FGFR1: variants seen among roughly 807,000 people sequenced by gnomAD.
FGFR1 encodes the protein FGFR1/PLAG1 fusion.
FGFR1 carries 18 observed loss-of-function variants against 93.7 expected under a neutral mutation model. The observed-to-expected ratio is 0.19, with a 90% CI of 0.13 to 0.28. The LOEUF (loss-of-function observed/expected upper bound fraction) is 0.28. Ranked by LOEUF, FGFR1 falls within the 10% of genes least tolerant of loss-of-function variation. FGFR1 has a pLI of 1.00. For missense variants in FGFR1, 731 were observed against 1,080.4 expected, an observed-to-expected ratio of 0.68 and a Z score of 4.53; for synonymous variants, 448 against 429.3, an observed-to-expected ratio of 1.04 and a Z score of -0.54.
In FGFR1 at chr8:38,421,830, A is replaced by T. The variant is rs764101526; in HGVS notation, c.1048T>A (p.Ser350Thr). 6.2e-7 allele frequency: 1 copy of T among 1,614,122 alleles called. No individual in the cohort carries two copies. The highest frequency in any genetic ancestry group is 1.7e-5 in the Admixed American group (1 of 60,018). The change falls in exon 8 of 18, where the codon TCC becomes ACC. Residue 350 changes from serine to threonine, a missense_variant. Around this residue, in one of 10 missense-constraint regions of FGFR1, gnomAD observed 146 missense variants for 173.0 expected, o/e 0.84. Transcript: ENST00000447712. ...ACGGTCAACCATGCAGAGTGATGGG[A>T]GAGTCCGATAGAGTTACCCGCCAAG... ...TCLAGNSIGLSHHSAWLTVLE... is the reference protein window; with the variant it reads ...TCLAGNSIGLTHHSAWLTVLE...
chr8:38,415,187 CATGG>C (rs779477956), intron 13 of FGFR1, among the ~76,000 whole-genome samples: 7 of 152,386 alleles, frequency 4.6e-5, no homozygotes, highest in Non-Finnish European at 7.3e-5. Flanking sequence ...AGCAAGTCCA[CATGG>C]GGCTGGGCTC....
At chr8:38,433,511 T>C (rs1383456073) in intron 2 of FGFR1, among the ~76,000 whole-genome samples, 1 of 152,164 alleles carries the variant, frequency 6.6e-6, no homozygotes, top group Non-Finnish European at 1.5e-5. Flanking sequence ...GGTTTCACCA[T>C]GTTAGCCAGG....
rs141184242 is a variant in FGFR1 at position 38,433,261 on chromosome 8, A to G, written c.92-3313T>C. Among the ~76,000 whole-genome samples, 33 of 152,162 alleles carry G rather than the reference A, an allele frequency of 2.2e-4. No homozygotes were observed. In the East Asian group the frequency reaches 5.6e-3, roughly 26 times the overall value. ...GGCTGAGACAGGATTGCTTGAGCCC[A>G]GGAGTTGGAGGCTACGGTGAGCTAT... On this transcript the variant is annotated intron_variant, in intron 2 of 17. Transcript: ENST00000447712.
chr8:38,453,326 C>T (rs1391760428), intron 2 of FGFR1, among the ~76,000 whole-genome samples: 1 of 152,222 alleles, frequency 6.6e-6, no homozygotes, highest in African/African-American at 2.4e-5. Flanking sequence ...GAAAGGGACC[C>T]ACAACGGCCA....
At position 38,426,210 on chromosome 8, in the gene FGFR1, A is replaced by G. The variant is rs1237694252; in HGVS notation, c.657T>C (p.Ser219=). 3 of 1,614,102 alleles carry G rather than the reference A, an allele frequency of 1.9e-6. No individual in the cohort carries two copies. Among genetic ancestry groups the G allele is most frequent in the African/African-American group, 2.7e-5 (2 of 74,936 alleles). ...RYATWSIIMD[S]VVPSDKGNYT... Reference sequence around the variant, plus strand: ...AGTTGCCCTTGTCAGAGGGCACCACAGAGTCCATTATGATGCTCCAGGTGG... The same window carrying G: ...AGTTGCCCTTGTCAGAGGGCACCACGGAGTCCATTATGATGCTCCAGGTGG... Residue 219 remains serine, a synonymous_variant, in exon 6 of 18, where the codon TCT becomes TCC. Transcript: ENST00000447712. This position sits in a 1 kb window ranked among gnomAD's most constrained non-coding sequence, Gnocchi z 4.1.
chr8:38,442,793 T>C (rs1294874879), intron 2 of FGFR1, among the ~76,000 whole-genome samples: 1 of 152,200 alleles, frequency 6.6e-6, no homozygotes, highest in African/African-American at 2.4e-5. Flanking sequence ...TAGTAGAGGC[T>C]TCAGCTGTTT....
intron 2 of FGFR1, among the ~76,000 whole-genome samples, chr8:38,446,575 G>A (rs1829366873): frequency 1.3e-5 from 2 of 152,016 alleles, no homozygotes; most frequent in South Asian, 4.1e-4. Flanking sequence ...ACCACGCCCA[G>A]GTAATTTTTT....
At position 38,457,506 on chromosome 8, in the gene FGFR1, T is replaced by C. The variant is rs1466811480; in HGVS notation, c.-60A>G. 4.4e-6 allele frequency: 7 copies of C among 1,608,346 alleles called. No homozygotes were observed. In the African/African-American group the frequency reaches 6.7e-5, roughly 15 times the overall value. ...CCACATCTCCATGGATACTCCACAG[T>C]GAGCTCGATCCTCCTTTTCAAACTG... is the stretch of plus-strand genomic sequence containing the variant. On this transcript the variant is annotated 5_prime_UTR_variant, in exon 2 of 18. Coordinates refer to ENST00000447712, the MANE Select transcript of FGFR1 (RefSeq NM_023110.3).
At chr8:38,466,914 CAA>C (rs1334795178) in intron 1 of FGFR1, among the ~76,000 whole-genome samples, 1 of 137,594 alleles carries the variant, frequency 7.3e-6, no homozygotes, top group African/African-American at 3.0e-5. Flanking sequence ...CCACCACCAC[CAA>C]AAAAGTGTCT....
intron 2 of FGFR1, among the ~76,000 whole-genome samples, chr8:38,440,669 T>TA (rs1449744288): frequency 6.6e-6 from 1 of 151,664 alleles, no homozygotes; most frequent in Non-Finnish European, 1.5e-5. Context: ...CATTAAAATG[T>TA]AAAAACTCCA....
intron 1 of FGFR1, among the ~76,000 whole-genome samples, chr8:38,457,870 T>C (rs545854167): frequency 1.4e-4 from 21 of 152,158 alleles, no homozygotes; most frequent in African/African-American, 4.8e-4. Flanking sequence ...GTAGTCCCAG[T>C]TACTTCGGAG....
intron 5 of FGFR1, among the ~76,000 whole-genome samples, chr8:38,427,092 G>A (rs1005218919): frequency 1.4e-5 from 2 of 147,354 alleles, no homozygotes; most frequent in Admixed American, 6.8e-5. Flanking sequence ...GGGTGACAGA[G>A]TGAGACTCCG....
intron 1 of FGFR1, among the ~76,000 whole-genome samples, chr8:38,464,312 C>CA (rs56133772): frequency 0.018 from 1,460 of 82,256 alleles, 30 homozygotes; most frequent in African/African-American, 0.058. Context: ...GAGACTATCT[C>CA]AAAAAAAAAA....
chr8:38,428,889 T>C (rs76227977), intron 3 of FGFR1: 1 of 298,528 alleles, frequency 3.3e-6, no homozygotes, highest in Non-Finnish European at 6.5e-6. Flanking sequence ...TTTTCTAGCA[T>C]GTGTCTACTA....
chr8:38,432,738 C>A (rs1823641085), intron 2 of FGFR1, among the ~76,000 whole-genome samples: 1 of 152,146 alleles, frequency 6.6e-6, no homozygotes, highest in Non-Finnish European at 1.5e-5. Flanking sequence ...GCAGCTCAGA[C>A]TCCTGCTTCC....
intron 1 of FGFR1, chr8:38,465,429 T>A (rs1365929897): frequency 4.3e-6 from 1 of 231,392 alleles, no homozygotes; most frequent in Non-Finnish European, 8.5e-6. Context: ...TGACTAAGAG[T>A]AAATGCAACA....
intron 2 of FGFR1, among the ~76,000 whole-genome samples, chr8:38,432,768 A>G (rs557737201): frequency 1.3e-5 from 2 of 152,160 alleles, no homozygotes; most frequent in South Asian, 4.1e-4. Context: ...TGTGCTTGAC[A>G]TTATTTTCCT....
intron 2 of FGFR1, among the ~76,000 whole-genome samples, chr8:38,441,429 T>A (rs1827421274): frequency 6.6e-6 from 1 of 151,884 alleles, no homozygotes; most frequent in African/African-American, 2.4e-5. Flanking sequence ...CACCCAAGAG[T>A]TGTCTGAAAA....
chr8:38,425,800 T>C (rs1018633895), intron 6 of FGFR1: 14 of 401,024 alleles, frequency 3.5e-5, no homozygotes, highest in Non-Finnish European at 5.7e-5. Flanking sequence ...CCTGGCATCT[T>C]GCTAGCATTA....
Sources: allele counts gnomAD v4.1 joint callset (sites outside exome capture counted in the v4.1 genomes callset), GRCh38; gene constraint gnomAD v4.1.1; regional missense constraint gnomAD v4.1.1; non-coding constraint Gnocchi (gnomAD v3.1); transcripts MANE v1.5; gene names NCBI Gene and HGNC (gene_info 2026-07-23, HGNC 2026-07-21).